RBM33: variants seen among roughly 807,000 people sequenced by gnomAD.
RBM33 encodes RNA binding motif protein 33, also known as RNA-binding protein 33.
A neutral mutation model predicts 132.6 loss-of-function variants in RBM33; 28 were observed. The ratio of observed to expected loss-of-function variants is 0.21; its 90% CI spans 0.16 to 0.29. The LOEUF is 0.29. Ranked by LOEUF, RBM33 falls within the 10% of genes least tolerant of loss-of-function variation. RBM33 has a pLI of 1.00. For missense variants in RBM33, 1,291 were observed against 1,518.5 expected, an observed-to-expected ratio of 0.85 and a Z score of 2.49; for synonymous variants, 634 against 593.0, an observed-to-expected ratio of 1.07 and a Z score of -1.01.
chr7:155,718,437 A>T lies in RBM33; in HGVS notation c.1254A>T (p.Arg418Ser), dbSNP rs1800529569. ...CGAGACCTGCCGTGGGACCCCAGAG[A>T]TTCCCAGTGAGTAGCAGCTGCTCCT... The part of the protein sequence containing the change: ...SQPRPAVGPQ[R>S]FPGPPEFPQH... The change falls in exon 9 of 18, where the codon AGA becomes AGT. Residue 418 changes from arginine (R) to serine (S), a missense_variant. Around this residue, in one of 7 missense-constraint regions of RBM33, gnomAD observed 841 missense variants for 912.0 expected, o/e 0.92. Transcript: ENST00000401878. 1.2e-6 allele frequency: 2 copies of T among 1,613,566 alleles called. No individual in the cohort carries two copies. The highest frequency in any genetic ancestry group is 1.7e-5 in the Admixed American group (1 of 59,996).
At chr7:155,662,573 C>G (rs1798682693) in intron 1 of RBM33, among the ~76,000 whole-genome samples, 1 of 151,982 alleles carries the variant, frequency 6.6e-6, no homozygotes, top group South Asian at 2.1e-4. Context: ...CAGTGGTGTA[C>G]CAGTCTCTGG....
chr7:155,731,515 T>G (rs1212718799), intron 9 of RBM33, among the ~76,000 whole-genome samples: 1 of 152,198 alleles, frequency 6.6e-6, no homozygotes, highest in Admixed American at 6.5e-5. Context: ...ACAGTCAATC[T>G]AATAACCAAG....
In RBM33 at chr7:155,706,983, T is replaced by C. The variant is rs1310247957; in HGVS notation, c.863T>C (p.Val288Ala). The C allele has an allele frequency of 1.3e-6, 2 of 1,595,294 alleles. No homozygotes were observed. The highest frequency in any genetic ancestry group is 1.1e-5 in the South Asian group (1 of 87,370). The change falls in exon 7 of 18, where the codon GTG becomes GCG. Residue 288 changes from valine to alanine, a missense_variant. Transcript: ENST00000401878. ...GGAGGTCCGCTGATGTGTCGTGGTGTGGGGGACCAGAGGAGAGAGAGCACC... is the reference window on the plus strand; with the variant it reads ...GGAGGTCCGCTGATGTGTCGTGGTGCGGGGGACCAGAGGAGAGAGAGCACC... Reference protein sequence around the residue: ...RRGGPLMCRGVGDQRRESTER... With the variant: ...RRGGPLMCRGAGDQRRESTER...
intron 15 of RBM33, among the ~76,000 whole-genome samples, chr7:155,765,917 G>A (rs1802200290): frequency 1.3e-5 from 2 of 152,082 alleles, no homozygotes; most frequent in African/African-American, 2.4e-5. Context: ...GTGCAGCCAC[G>A]GCTGAATTTC....
intron 6 of RBM33, chr7:155,701,563 A>C (rs1170940527): frequency 1.3e-5 from 2 of 152,374 alleles, no homozygotes; most frequent in African/African-American, 4.8e-5. Flanking sequence ...GCAAGGAATA[A>C]AGCAGTGATT....
chr7:155,678,374 G>A lies in RBM33; in HGVS notation c.172-234G>A, dbSNP rs544427579. Among the ~76,000 whole-genome samples the A allele has an allele frequency of 1.2e-4, 18 of 152,258 alleles. No individual in the cohort carries two copies. The South Asian group carries it at 3.3e-3, about 28-fold the overall frequency. On this transcript the variant is annotated intron_variant, in intron 3 of 17. Coordinates refer to ENST00000401878, the MANE Select transcript of RBM33 (RefSeq NM_053043.3). ...CTTTTGTGTGAGAATAAATGTGATC[G>A]TTACACTTGGTGTTTTTACATTTAA...
intron 9 of RBM33, among the ~76,000 whole-genome samples, chr7:155,731,212 C>T (rs376808572): frequency 6.6e-6 from 1 of 152,114 alleles, no homozygotes; most frequent in Non-Finnish European, 1.5e-5. Context: ...TTGAAATTAG[C>T]TGCCTGATGG....
chr7:155,664,835 C>A (rs181826447), intron 1 of RBM33, among the ~76,000 whole-genome samples: 59 of 151,860 alleles, frequency 3.9e-4, no homozygotes, highest in African/African-American at 1.3e-3. Flanking sequence ...AACTTTTTAG[C>A]ATGTCACATT....
In RBM33 at chr7:155,774,529, G is replaced by A. The variant is rs768274891; in HGVS notation, c.3376-30G>A. 2 of 1,481,232 alleles carry A rather than the reference G, an allele frequency of 1.4e-6. No homozygotes were observed. Among genetic ancestry groups the A allele is most frequent in the South Asian group, 2.3e-5 (2 of 88,308 alleles). 91.8% of individuals were successfully genotyped at this position (1,481,232 alleles called of 1,614,324 possible). The stretch of plus-strand genomic sequence containing the variant: ...ATATTTTTTATTGTCATTTACAACT[G>A]ATCTTAAAGTGTTTGTTTTCTTCCT... On this transcript the variant is annotated intron_variant, in intron 16 of 17. Coordinates refer to ENST00000401878, the MANE Select transcript of RBM33 (RefSeq NM_053043.3). The surrounding 1 kb of genome is among the most constrained non-coding windows in gnomAD (Gnocchi z 4.2).
At chr7:155,754,867 A>G (rs995585816) in intron 14 of RBM33, among the ~76,000 whole-genome samples, 7 of 152,348 alleles carry the variant, frequency 4.6e-5, no homozygotes, top group African/African-American at 1.7e-4. Context: ...TTTGGTTTTA[A>G]TTCTGCCTGT....
At chr7:155,668,369 G>A (rs11770105) in intron 2 of RBM33, among the ~76,000 whole-genome samples, 2 of 152,138 alleles carry the variant, frequency 1.3e-5, no homozygotes, top group African/African-American at 2.4e-5. Flanking sequence ...AAGCAAGGTA[G>A]CGTGTCTTCT....
chr7:155,673,407 T>G (rs6459877), intron 3 of RBM33, among the ~76,000 whole-genome samples: 2,356 of 8,214 alleles, frequency 0.29, 100 homozygotes, highest in African/African-American at 0.47. Context: ...ATATATTGTG[T>G]GTGTGTGTGT....
rs1802795935 is a variant in RBM33, at chr7:155,780,784, T to TTCATCA, written c.*5743_*5744insTCATCA. On this transcript the variant is annotated 3_prime_UTR_variant, in exon 18 of 18. Coordinates refer to ENST00000401878, the MANE Select transcript of RBM33 (RefSeq NM_053043.3). ...ACGATTTTCACACTGTGTTTACCAC[T>TTCATCA]CCATCACCTCTCAACCTTTGCTTCG... The TTCATCA allele has an allele frequency of 6.6e-6, 1 of 152,480 alleles. No homozygotes were observed. The highest frequency in any genetic ancestry group is 1.5e-5 in the Non-Finnish European group (1 of 68,066). The allele number at this position is 152,480 out of a possible 1,614,324, so 9.4% of individuals were successfully genotyped here. A position where few individuals can be genotyped will look rare whatever the true frequency, so the allele number is the denominator to read the frequency against.
At chr7:155,650,574 AT>A (rs1268185519) in intron 1 of RBM33, among the ~76,000 whole-genome samples, 2 of 152,076 alleles carry the variant, frequency 1.3e-5, no homozygotes, top group Non-Finnish European at 2.9e-5. Flanking sequence ...TTGTGTGTAC[AT>A]TTGTGCTATC....
chr7:155,732,516 C>T (rs1298883795), intron 9 of RBM33, among the ~76,000 whole-genome samples: 3 of 152,172 alleles, frequency 2.0e-5, no homozygotes, highest in Non-Finnish European at 4.4e-5. Flanking sequence ...TTGGGGCTGA[C>T]GGCTTGTCAG....
intron 5 of RBM33, among the ~76,000 whole-genome samples, chr7:155,697,375 G>T (rs892210550): frequency 4.0e-5 from 6 of 148,988 alleles, no homozygotes; most frequent in African/African-American, 1.5e-4. Context: ...TATTAATGAA[G>T]GACACTGGTC....
Position 155,711,266 on chromosome 7 carries a change from C to A in RBM33, c.1012C>A (p.Pro338Thr). ...QQQPIRSLFQ[P>T]QPLQPLLPVQ... The stretch of plus-strand genomic sequence containing the variant: ...GCAGCCGATCAGAAGCCTGTTCCAG[C>A]CGCAGCCGCTGCAGCCGCTGCTTCC... The change falls in exon 8 of 18, where the codon CCG (proline) becomes ACG (threonine). Residue 338 changes from proline to threonine, a missense_variant. Transcript: ENST00000401878. 1 of 1,603,638 alleles carries A rather than the reference C, an allele frequency of 6.2e-7. No homozygotes were observed. The highest frequency in any genetic ancestry group is 1.1e-5 in the South Asian group (1 of 89,602).
chr7:155,660,277 A>C (rs1798604913), intron 1 of RBM33, among the ~76,000 whole-genome samples: 1 of 152,118 alleles, frequency 6.6e-6, no homozygotes, highest in African/African-American at 2.4e-5. Flanking sequence ...ATCTGGATAT[A>C]TTGCCCAGGC....
intron 8 of RBM33, among the ~76,000 whole-genome samples, chr7:155,713,791 TAC>T (rs1800377909): frequency 1.3e-5 from 2 of 152,210 alleles, no homozygotes; most frequent in Non-Finnish European, 2.9e-5. Flanking sequence ...TCATTGCACT[TAC>T]AGAAAAGAGC....
Sources: allele counts gnomAD v4.1 joint callset (sites outside exome capture counted in the v4.1 genomes callset), GRCh38; gene constraint gnomAD v4.1.1; regional missense constraint gnomAD v4.1.1; non-coding constraint Gnocchi (gnomAD v3.1); transcripts MANE v1.5; gene names NCBI Gene and HGNC (gene_info 2026-07-23, HGNC 2026-07-21).